Variants in GNAL observed in about 807,000 individuals in gnomAD.
GNAL encodes G protein subunit alpha L, also known as guanine nucleotide-binding protein G(olf) subunit alpha.
Under a neutral mutation model 55.1 loss-of-function variants are expected in GNAL, and 18 were observed. The ratio of observed to expected loss-of-function variants is 0.33; its 90% CI spans 0.23 to 0.48. The LOEUF is 0.48. GNAL is among the 20% of genes least tolerant of loss of function. The pLI is 0.99. For synonymous variants in GNAL, 253 were observed against 237.0 expected, an observed-to-expected ratio of 1.07 and a Z score of -0.62; for missense variants, 412 against 614.1, an observed-to-expected ratio of 0.67 and a Z score of 3.48.
chr18:11,816,252 A>G (rs944224546), intron 4 of GNAL, among the ~76,000 whole-genome samples: 1 of 152,136 alleles, frequency 6.6e-6, no homozygotes, highest in Non-Finnish European at 1.5e-5. Context: ...ATAAAACATG[A>G]TATATCCATA....
intron 4 of GNAL, among the ~76,000 whole-genome samples, chr18:11,759,297 C>T (rs1281062847): frequency 6.6e-6 from 1 of 152,200 alleles, no homozygotes; most frequent in Non-Finnish European, 1.5e-5. Context: ...TCATTTGTTT[C>T]ATTTTTATTC....
intron 1 of GNAL, chr18:11,702,073 A>C (rs1195604074): frequency 6.6e-6 from 1 of 152,234 alleles, no homozygotes; most frequent in Non-Finnish European, 1.5e-5. Context: ...TTTTACAGGT[A>C]CTTCGGGAGC....
At chr18:11,765,815 G>T (rs140329607) in intron 4 of GNAL, among the ~76,000 whole-genome samples, 2 of 152,116 alleles carry the variant, frequency 1.3e-5, no homozygotes, top group Admixed American at 6.6e-5. Context: ...TCTTGGATAG[G>T]ATGTCTTTGA....
At chr18:11,812,571 C>T (rs1449015972) in intron 4 of GNAL, among the ~76,000 whole-genome samples, 3 of 152,316 alleles carry the variant, frequency 2.0e-5, no homozygotes, top group East Asian at 1.9e-4. Flanking sequence ...AGGCTGGGCA[C>T]GGTGGCTCAC....
At chr18:11,746,098 C>G in intron 1 of GNAL, 1 of 516,448 alleles carries the variant, frequency 1.9e-6, no homozygotes, top group Non-Finnish European at 3.8e-6. Context: ...GAGCACTCCA[C>G]GACTCCCCTT....
chr18:11,741,652 A>G (rs2032578411), intron 1 of GNAL, among the ~76,000 whole-genome samples: 1 of 152,200 alleles, frequency 6.6e-6, no homozygotes, highest in Admixed American at 6.5e-5. Flanking sequence ...TGAATGAATG[A>G]ATGAATGAAC....
In GNAL at chr18:11,757,571, G is replaced by T. The variant is rs146633836; in HGVS notation, c.624+3626G>T. ...ATTTTGGAAACAACCATTTAGACTT[G>T]TCGGCATGTGGATATGAGTACTGAG... On this transcript the variant is annotated intron_variant, in intron 4 of 11. Coordinates refer to ENST00000334049, the MANE Select transcript of GNAL (RefSeq NM_182978.4). Among the ~76,000 whole-genome samples, 238 of 152,298 alleles carry T rather than the reference G, an allele frequency of 1.6e-3. 2 individuals carry two copies. Among genetic ancestry groups the T allele is most frequent in the Middle Eastern group, 0.01 (3 of 294 alleles).
At chr18:11,711,626 C>T (rs533789281) in intron 1 of GNAL, among the ~76,000 whole-genome samples, 66 of 152,146 alleles carry the variant, frequency 4.3e-4, no homozygotes, top group African/African-American at 1.6e-3. Flanking sequence ...TTCTGATTTC[C>T]CTCAGTTGCC....
At chr18:11,801,913 T>C (rs2034531954) in intron 4 of GNAL, among the ~76,000 whole-genome samples, 1 of 152,076 alleles carries the variant, frequency 6.6e-6, no homozygotes, top group African/African-American at 2.4e-5. Flanking sequence ...GACACCTGAG[T>C]AGGGACCTCC....
chr18:11,741,312 T>G (rs1381408229), intron 1 of GNAL, among the ~76,000 whole-genome samples: 2 of 152,248 alleles, frequency 1.3e-5, no homozygotes, highest in Admixed American at 6.5e-5. Context: ...GTGGGCAATA[T>G]GGTGCATTCT....
chr18:11,694,151 A>C (rs564110760), intron 1 of GNAL, among the ~76,000 whole-genome samples: 26 of 152,184 alleles, frequency 1.7e-4, no homozygotes, highest in Admixed American at 1.5e-3. Context: ...TGTCCAGTCA[A>C]GTGCCCTTTA....
intron 4 of GNAL, among the ~76,000 whole-genome samples, chr18:11,757,199 T>A (rs2033085503): frequency 6.6e-6 from 1 of 152,208 alleles, no homozygotes; most frequent in Non-Finnish European, 1.5e-5. Context: ...TCCATGAATC[T>A]GAAGTTGTAA....
At position 11,751,373 on chromosome 18, in the gene GNAL, G is replaced by T; in HGVS notation, c.377-1480G>T. ...AAGTTCGAGGCCACAGTGCCTTCTG[G>T]AAGAGTTGTTGTGCTGCTTGGGAGC... On this transcript the variant is annotated intron_variant, in intron 1 of 11. Coordinates refer to ENST00000334049, the MANE Select transcript of GNAL (RefSeq NM_182978.4). This position sits in a 1 kb window ranked among gnomAD's most constrained non-coding sequence, Gnocchi z 4.5. 1 of 344,608 alleles carries T rather than the reference G, an allele frequency of 2.9e-6. No homozygotes were observed. Among genetic ancestry groups the T allele is most frequent in the Non-Finnish European group, 4.1e-6 (1 of 243,806 alleles). The allele number at this position is 344,608 out of a possible 1,614,324, so 21.3% of individuals were successfully genotyped here.
At chr18:11,749,689 C>T (rs531599642) in intron 1 of GNAL, among the ~76,000 whole-genome samples, 81 of 152,288 alleles carry the variant, frequency 5.3e-4, no homozygotes, top group South Asian at 3.1e-3. Flanking sequence ...AGCGGAGAAT[C>T]TGGTGCTCCC....
chr18:11,694,008 A>G (rs1030951169), intron 1 of GNAL, among the ~76,000 whole-genome samples: 2 of 151,858 alleles, frequency 1.3e-5, no homozygotes, highest in African/African-American at 2.4e-5. Flanking sequence ...ACATGCTACC[A>G]TGGCTGACTA....
At chr18:11,723,867 G>A (rs2032152925) in intron 1 of GNAL, among the ~76,000 whole-genome samples, 1 of 152,166 alleles carries the variant, frequency 6.6e-6, no homozygotes, top group Non-Finnish European at 1.5e-5. Flanking sequence ...CCCCCACTCT[G>A]CACAGACCCT....
chr18:11,740,346 C>T lies in GNAL; in HGVS notation c.377-12507C>T, dbSNP rs9948615. Among the ~76,000 whole-genome samples the T allele has an allele frequency of 9.0e-3, 1,365 of 152,226 alleles. 19 individuals carry two copies. Among genetic ancestry groups the T allele is most frequent in the African/African-American group, 0.031 (1,298 of 41,520 alleles). On this transcript the variant is annotated intron_variant, in intron 1 of 11. Transcript: ENST00000334049. ...CCTGCCCTGCCCACTCCACACCCCACACCCCCAGTTAGCTATTTCTCTAAG... is the reference window on the plus strand; with the variant it reads ...CCTGCCCTGCCCACTCCACACCCCATACCCCCAGTTAGCTATTTCTCTAAG...
intron 5 of GNAL, among the ~76,000 whole-genome samples, chr18:11,826,295 G>A (rs1431701638): frequency 9.6e-5 from 1 of 10,458 alleles, no homozygotes; most frequent in Non-Finnish European, 3.5e-4. Context: ...CGGGGAGGGG[G>A]AAGGAAGAGG....
At position 11,814,341 on chromosome 18, in the gene GNAL, G is replaced by A. The variant is rs2034897980; in HGVS notation, c.625-10577G>A. ...GGAGTTCGAGACCAGTCTGACCAACGTGGTGAAACCCCGTCTCTATCAAAA... is the reference window on the plus strand; with the variant it reads ...GGAGTTCGAGACCAGTCTGACCAACATGGTGAAACCCCGTCTCTATCAAAA... On this transcript the variant is annotated intron_variant, in intron 4 of 11. Transcript: ENST00000334049. 1.3e-5 allele frequency among the ~76,000 whole-genome samples: 2 copies of A among 151,972 alleles called. 1 individual carries two copies. Among genetic ancestry groups the A allele is most frequent in the South Asian group, 4.1e-4 (2 of 4,824 alleles).
Sources: gnomAD v4.1 joint callset for allele counts (sites outside exome capture counted in the v4.1 genomes callset) on GRCh38, gnomAD v4.1.1 for gene constraint, Gnocchi (gnomAD v3.1) non-coding constraint, MANE v1.5 for transcripts, NCBI Gene and HGNC (gene_info 2026-07-23, HGNC 2026-07-21) for gene names.